RECQL5: variants seen among roughly 807,000 people sequenced by gnomAD.
RECQL5 encodes the protein ATP-dependent DNA helicase Q5.
In RECQL5, 88 loss-of-function variants were observed where a neutral mutation model predicts 103.4. The ratio of observed to expected loss-of-function variants is 0.85; its 90% CI spans 0.72 to 1.02. The LOEUF (loss-of-function observed/expected upper bound fraction) is 1.02. RECQL5 is among the 50% of genes least tolerant of loss of function. RECQL5 has a pLI of 0.00. For synonymous variants in RECQL5, 552 were observed against 507.9 expected (o/e 1.09, Z -1.17); for missense variants, 1,232 against 1,284.3 (o/e 0.96, Z 0.62).
In RECQL5 at chr17:75,665,117, A is replaced by G. The variant is rs998292803; in HGVS notation, c.186T>C (p.Tyr62=). 5 of 1,612,338 alleles carry G rather than the reference A, an allele frequency of 3.1e-6. No individual in the cohort carries two copies. The highest frequency in any genetic ancestry group is 3.4e-6 in the Non-Finnish European group (4 of 1,179,450). The stretch of plus-strand genomic sequence containing the variant: ...CTTTGGCCAACAGAGCAGGGAGCTG[A>G]TAGCATAGGGATTTTCCTGCCCCTG... ...MPTGAGKSLC[Y]QLPALLAKGI... Residue 62 remains tyrosine, a synonymous_variant, in exon 3 of 20, where the codon TAT becomes TAC. Transcript: ENST00000317905.
intron 8 of RECQL5, among the ~76,000 whole-genome samples, chr17:75,645,402 C>G (rs1355978828): frequency 6.6e-6 from 1 of 152,202 alleles, no homozygotes; most frequent in Non-Finnish European, 1.5e-5. Flanking sequence ...TAGCTGATGA[C>G]CTCGGCTAAG....
At chr17:75,634,325 C>A in intron 8 of RECQL5, 1 of 919,550 alleles carries the variant, frequency 1.1e-6, no homozygotes. Context: ...CATGCTGGGT[C>A]GCTTCCCTGC....
In RECQL5 at chr17:75,651,220, A is replaced by G. The variant is rs755015591; in HGVS notation, c.1195T>C (p.Phe399Leu). The G allele has an allele frequency of 6.3e-5, 101 of 1,614,112 alleles. No homozygotes were observed. Among genetic ancestry groups the G allele is most frequent in the Non-Finnish European group, 8.3e-5 (98 of 1,180,050 alleles). ...TCACAGAAGGTCACCAGGGCATCAA[A>G]GGCCATGATAGTGGCTTTATCAGAT... is the stretch of plus-strand genomic sequence containing the variant. ...KASDKATIMA[F>L]DALVTFCEEL... The change falls in exon 8 of 20, where the codon TTT becomes CTT. Residue 399 changes from phenylalanine (F) to leucine (L), a missense_variant. Physicochemically the swap from Phe to Leu is conservative, Grantham distance 22 (BLOSUM62 0). Coordinates refer to ENST00000317905, the MANE Select transcript of RECQL5 (RefSeq NM_004259.7).
Position 75,640,194 on chromosome 17 carries a change from AGCGCGGCATG to A in RECQL5, c.1230-8536_1230-8527del. The A allele has an allele frequency of 6.5e-7, 1 of 1,544,096 alleles. No individual in the cohort carries two copies. The highest frequency in any genetic ancestry group is 8.7e-7 in the Non-Finnish European group (1 of 1,144,222). ...CCGGCAGGAGCCCCAACAGGAAGCC[AGCGCGGCATG>A]GCTGCCACCGACTTCGTGCAGGAGA... On this transcript the variant is annotated intron_variant, in intron 8 of 19. Coordinates refer to ENST00000317905, the MANE Select transcript of RECQL5 (RefSeq NM_004259.7). This position sits in a 1 kb window ranked among gnomAD's most constrained non-coding sequence, Gnocchi z 4.6.
intron 8 of RECQL5, chr17:75,650,059 CACAATGAACAGGA>C: frequency 1.0e-6 from 1 of 985,654 alleles, no homozygotes; most frequent in East Asian, 1.1e-4. Flanking sequence ...AAACAGGACT[CACAATGAACAGGA>C]ACACTTGGCC....
intron 19 of RECQL5, 50 bp downstream of exon 19, chr17:75,627,573 G>A (rs1224979185): frequency 1.9e-6 from 3 of 1,612,316 alleles, no homozygotes; most frequent in Admixed American, 3.3e-5. Context: ...CCTCCTCCCT[G>A]TAGACCACCC....
In RECQL5 at chr17:75,667,153, T is replaced by C; in HGVS notation, c.-124A>G. On this transcript the variant is annotated 5_prime_UTR_variant, in exon 1 of 20. Transcript: ENST00000317905. ...TCAGAGAAGCCAAAGCGCTGGGAATTCAGCTTTAGGCAGAACCCACGCAAT... is the reference window on the plus strand; with the variant it reads ...TCAGAGAAGCCAAAGCGCTGGGAATCCAGCTTTAGGCAGAACCCACGCAAT... 1 of 574,828 alleles carries C rather than the reference T, an allele frequency of 1.7e-6. No homozygotes were observed. Among genetic ancestry groups the C allele is most frequent in the East Asian group, 3.1e-5 (1 of 32,556 alleles). 35.6% of individuals were successfully genotyped at this position (574,828 alleles called of 1,614,324 possible).
chr17:75,629,651 AG>A, intron 15 of RECQL5, 56 bp downstream of exon 15: 1 of 1,554,174 alleles, frequency 6.4e-7, no homozygotes, highest in Non-Finnish European at 8.7e-7. Context: ...CTGAGGGCAG[AG>A]GGGAAGTGAA....
rs2059163582 is a variant in RECQL5, at chr17:75,629,374, G to A, written c.2049C>T (p.Pro683=). 6.6e-7 allele frequency: 1 copy of A among 1,511,596 alleles called. No homozygotes were observed. The highest frequency in any genetic ancestry group is 8.8e-7 in the Non-Finnish European group (1 of 1,130,696). The allele number at this position is 1,511,596 out of a possible 1,614,324, so 93.6% of individuals were successfully genotyped here. ...CGTGCTCGCCTCCCCGCTCGGGCTG[G>A]GGGGCTTGCTCCCTGATCCGAGTTG... ...METTRIREQA[P]QPERGGEHEP... is the part of the protein sequence containing the mutation. Residue 683 remains proline, a synonymous_variant, in exon 16 of 20, where the codon CCC becomes CCT. Transcript: ENST00000317905.
rs777672414 is a variant in RECQL5 at position 75,628,989 on chromosome 17, C to T, written c.2434G>A (p.Gly812Arg). The T allele has an allele frequency of 1.3e-5, 20 of 1,563,006 alleles. No individual in the cohort carries two copies. The highest frequency in any genetic ancestry group is 6.1e-5 in the South Asian group (5 of 82,598). The change falls in exon 16 of 20, where the codon GGG becomes AGG. Residue 812 changes from glycine to arginine, a missense_variant. Physicochemically the swap from Gly to Arg is moderately radical, Grantham distance 125. Transcript: ENST00000317905. ...EKYTGEEDGAGGHSPAPPQTE... is the reference protein window; with the variant it reads ...EKYTGEEDGARGHSPAPPQTE... ...TGGGGAGGGGCAGGCGAATGTCCCC[C>T]GGCTCCATCTTCCTCCCCTGTGTAC... is the stretch of plus-strand genomic sequence containing the variant.
intron 6 of RECQL5, 84 bp downstream of exon 6, chr17:75,660,871 C>A: frequency 1.0e-6 from 1 of 980,598 alleles, no homozygotes. Context: ...GGAGCACATG[C>A]ACCTGGTCCT....
rs570663548 is a variant in RECQL5, at chr17:75,666,604, G to A, written c.-14-33C>T. 5.0e-6 allele frequency: 8 copies of A among 1,595,914 alleles called. No homozygotes were observed. In the Admixed American group the frequency reaches 1.4e-4, roughly 28 times the overall value. On this transcript the variant is annotated intron_variant, in intron 1 of 19. Transcript: ENST00000317905. The stretch of plus-strand genomic sequence containing the variant: ...AAGGTTAAGGCAAAGGTAGTAAAAG[G>A]TTGCCACGAGAACCCTCTGTTTTGC...
intron 8 of RECQL5, chr17:75,649,032 T>A (rs2059523218): frequency 6.6e-6 from 1 of 152,042 alleles, no homozygotes; most frequent in Non-Finnish European, 1.5e-5. Context: ...GTATCCCCCA[T>A]GTCCAATGTG....
chr17:75,647,669 C>T, intron 8 of RECQL5: 1 of 1,098,410 alleles, frequency 9.1e-7, no homozygotes, highest in East Asian at 2.6e-5. Context: ...GGGGCCAAGC[C>T]CTGGTGTCTT....
Position 75,631,243 on chromosome 17 carries a change from G to A in RECQL5, c.1455C>T (p.Asp485=), listed in dbSNP as rs35273978. Reference sequence around the variant, plus strand: ...CATCCCCGCTGCCTCCAGAACCTTCGTCATACCTAGGGACAGGCCAGGCGT... The same window carrying A: ...CATCCCCGCTGCCTCCAGAACCTTCATCATACCTAGGGACAGGCCAGGCGT... ...RKGYGDFSRY[D]EGSGGSGDEG... is the part of the protein sequence containing the mutation. The change falls in exon 10 of 20, where the codon GAC becomes GAT. Residue 485 remains aspartate (D), a synonymous_variant. Transcript: ENST00000317905. 510 of 1,613,780 alleles carry A rather than the reference G, an allele frequency of 3.2e-4. 2 individuals are homozygous for A. Among genetic ancestry groups the A allele is most frequent in the Admixed American group, 1.8e-3 (107 of 60,028 alleles).
intron 7 of RECQL5, among the ~76,000 whole-genome samples, chr17:75,655,345 A>C (rs2059604442): frequency 6.6e-6 from 1 of 151,220 alleles, no homozygotes; most frequent in South Asian, 2.1e-4. Flanking sequence ...TGCTGGGATT[A>C]CAAGCATGAG....
At chr17:75,630,070 G>T in intron 14 of RECQL5, 114 bp downstream of exon 14, 2 of 973,650 alleles carry the variant, frequency 2.1e-6, no homozygotes, top group Non-Finnish European at 3.0e-6. Flanking sequence ...TCTGGGGTGG[G>T]CTGGGGAGGG....
chr17:75,653,239 T>C lies in RECQL5; in HGVS notation c.1150-1974A>G, dbSNP rs570273727. On this transcript the variant is annotated intron_variant, in intron 7 of 19. Transcript: ENST00000317905. ...CACCAGGAAGACCTCTGCACCCTTA[T>C]CCAATTCAAAGTACAGGCTCACCTT... Among the ~76,000 whole-genome samples, 90 of 152,336 alleles carry C rather than the reference T, an allele frequency of 5.9e-4. 1 individual carries two copies. Among genetic ancestry groups the C allele is most frequent in the African/African-American group, 2.2e-3 (90 of 41,586 alleles).
Position 75,656,269 on chromosome 17 carries a change from G to A in RECQL5, c.1149+2029C>T, listed in dbSNP as rs534677599. Among the ~76,000 whole-genome samples the A allele has an allele frequency of 5.0e-4, 76 of 151,722 alleles. 1 individual carries two copies. Among genetic ancestry groups the A allele is most frequent in the African/African-American group, 1.7e-3 (72 of 41,348 alleles). On this transcript the variant is annotated intron_variant, in intron 7 of 19. Coordinates refer to ENST00000317905, the MANE Select transcript of RECQL5 (RefSeq NM_004259.7). ...TTTTGCATTTTTTTAGTAGAGACGG[G>A]GTTTCTCCATGTTGGTCAGGCTGGT...
Sources: gnomAD v4.1 joint callset for allele counts (sites outside exome capture counted in the v4.1 genomes callset) on GRCh38, gnomAD v4.1.1 for gene constraint, Gnocchi (gnomAD v3.1) non-coding constraint, MANE v1.5 for transcripts, NCBI Gene and HGNC (gene_info 2026-07-23, HGNC 2026-07-21) for gene names.